The following LEFTY1 variants were observed in gnomAD, a reference collection of about 807,000 sequenced individuals.
LEFTY1 encodes left-right determination factor B.
A neutral mutation model predicts 22.6 loss-of-function variants in LEFTY1; 18 were observed. That is an observed-to-expected ratio of 0.80 (90% CI 0.55 to 1.18). The LOEUF (loss-of-function observed/expected upper bound fraction) is 1.18, where lower values mean the gene tolerates loss of function less well. Ranked by LOEUF, LEFTY1 falls within the 50% of genes most tolerant of loss-of-function variation. The pLI is 0.00. For synonymous variants in LEFTY1, 201 were observed against 231.5 expected (o/e 0.87, Z 1.20); for missense variants, 414 against 495.4 (o/e 0.84, Z 1.56).
At position 225,887,459 on chromosome 1, in the gene LEFTY1, G is replaced by A; in HGVS notation, c.677C>T (p.Ala226Val). Residue 226 changes from alanine to valine, a missense_variant, in exon 3 of 4, where the codon GCG becomes GTG. Coordinates refer to ENST00000272134, the MANE Select transcript of LEFTY1 (RefSeq NM_020997.4). The stretch of plus-strand genomic sequence containing the variant: ...CTGGGGCTCCCCAAGCCCGGCTGGC[G>A]CCCCCTGCGAGGCAAAGCGGACCAG... ...HKLVRFASQGAPAGLGEPQLE... is the reference protein window; with the variant it reads ...HKLVRFASQGVPAGLGEPQLE... 1 of 1,612,864 alleles carries A rather than the reference G, an allele frequency of 6.2e-7. No homozygotes were observed. The highest frequency in any genetic ancestry group is 8.5e-7 in the Non-Finnish European group (1 of 1,179,770).
Position 225,887,847 on chromosome 1 carries a change from T to C in LEFTY1, c.436A>G (p.Thr146Ala), listed in dbSNP as rs767656516. 5 of 1,531,392 alleles carry C rather than the reference T, an allele frequency of 3.3e-6. No homozygotes were observed. The East Asian group carries it at 9.9e-5, about 30-fold the overall frequency. 94.9% of individuals were successfully genotyped at this position (1,531,392 alleles called of 1,614,324 possible). A position where few individuals can be genotyped will look rare whatever the true frequency, so the allele number is the denominator to read the frequency against. The change falls in exon 2 of 4, where the codon ACC becomes GCC. Residue 146 changes from threonine to alanine, a missense_variant. Physicochemically the swap from Thr to Ala is moderately conservative, Grantham distance 58. Coordinates refer to ENST00000272134, the MANE Select transcript of LEFTY1 (RefSeq NM_020997.4). ...TCGCGGACGCGCAGCCACTCGACGG[T>C]CACCCGGGCCCGGGCGCTGCGCGGG... ...LSPRSARARV[T>A]VEWLRVRDDG...
intron 1 of LEFTY1, 60 bp downstream of exon 1, chr1:225,888,757 G>T: frequency 1.9e-6 from 3 of 1,606,072 alleles, no homozygotes; most frequent in Non-Finnish European, 8.5e-7. Context: ...TGACACCACC[G>T]GAGTGGGCAC....
Position 225,887,437 on chromosome 1 carries a change from G to C in LEFTY1, c.699C>G (p.Pro233=). ...SQGAPAGLGE[P]QLELHTLDLG... ...GGTCCAGGGTGTGCAGCTCCAGCTG[G>C]GGCTCCCCAAGCCCGGCTGGCGCCC... The change falls in exon 3 of 4, where the codon CCC becomes CCG. Residue 233 remains proline (P), a synonymous_variant. Coordinates refer to ENST00000272134, the MANE Select transcript of LEFTY1 (RefSeq NM_020997.4). The C allele has an allele frequency of 1.9e-6, 3 of 1,613,496 alleles. No homozygotes were observed. The highest frequency in any genetic ancestry group is 2.5e-6 in the Non-Finnish European group (3 of 1,179,890).
chr1:225,887,899 G>A lies in LEFTY1; in HGVS notation c.384C>T (p.Ala128=). The change falls in exon 2 of 4, where the codon GCC becomes GCT. Residue 128 remains alanine, a synonymous_variant. Coordinates refer to ENST00000272134, the MANE Select transcript of LEFTY1 (RefSeq NM_020997.4). ...ACAGCCGCCCGTGCCTGTGCAGCGC[G>A]GCCTTGGGGACCGGCTCCTGGAAGA... ...LRLFQEPVPK[A]ALHRHGRLSP... 1 of 1,537,062 alleles carries A rather than the reference G, an allele frequency of 6.5e-7. No individual in the cohort carries two copies. Among genetic ancestry groups the A allele is most frequent in the African/African-American group, 1.4e-5 (1 of 72,924 alleles).
At chr1:225,888,179 TCTGGGCC>T (rs1671327626) in intron 1 of LEFTY1, 147 bp from the exon 2 acceptor site, 1 of 1,270,526 alleles carries the variant, frequency 7.9e-7, no homozygotes, top group Non-Finnish European at 1.1e-6. Flanking sequence ...CTTCCTTGGA[TCTGGGCC>T]TTGTTTAGTA....
At position 225,886,696 on chromosome 1, in the gene LEFTY1, AG is replaced by A; in HGVS notation, c.*30del. ...CTCGAACACTTCAGAAACACACACA[AG>A]TCAAGTCCCTCGATGGCTACACTAG... On this transcript the variant is annotated 3_prime_UTR_variant, in exon 4 of 4. Coordinates refer to ENST00000272134, the MANE Select transcript of LEFTY1 (RefSeq NM_020997.4). 1 of 1,612,832 alleles carries A rather than the reference AG, an allele frequency of 6.2e-7. No individual in the cohort carries two copies. Among genetic ancestry groups the A allele is most frequent in the Non-Finnish European group, 8.5e-7 (1 of 1,179,980 alleles).
At position 225,889,022 on chromosome 1, in the gene LEFTY1, C is replaced by T; in HGVS notation, c.45G>A (p.Leu15=). The T allele has an allele frequency of 2.6e-6, 4 of 1,510,636 alleles. No individual in the cohort carries two copies. Among genetic ancestry groups the T allele is most frequent in the East Asian group, 4.7e-5 (2 of 42,138 alleles). The allele number at this position is 1,510,636 out of a possible 1,614,324, so 93.6% of individuals were successfully genotyped here. The part of the protein sequence containing the change: ...WLCWALWVLP[L]ASPGAALTGE... ...CGGTCAGGGCGGCCCCGGGGCTGGC[C>T]AGGGGCAACACCCAGAGTGCCCAGC... The change falls in exon 1 of 4, where the codon CTG becomes CTA. Residue 15 remains leucine (L), a synonymous_variant. Coordinates refer to ENST00000272134, the MANE Select transcript of LEFTY1 (RefSeq NM_020997.4).
At position 225,887,449 on chromosome 1, in the gene LEFTY1, C is replaced by G. The variant is rs777642200; in HGVS notation, c.687G>C (p.Gly229=). The change falls in exon 3 of 4, where the codon GGG becomes GGC. Residue 229 remains glycine (G), a synonymous_variant. Transcript: ENST00000272134. The stretch of plus-strand genomic sequence containing the variant: ...GCAGCTCCAGCTGGGGCTCCCCAAG[C>G]CCGGCTGGCGCCCCCTGCGAGGCAA... ...VRFASQGAPA[G]LGEPQLELHT... is the part of the protein sequence containing the mutation. 1.4e-5 allele frequency: 23 copies of G among 1,613,070 alleles called. No individual in the cohort carries two copies. Among genetic ancestry groups the G allele is most frequent in the Non-Finnish European group, 1.8e-5 (21 of 1,179,824 alleles).
In LEFTY1 at chr1:225,886,971, G is replaced by C. The variant is rs146082781; in HGVS notation, c.857C>G (p.Pro286Arg). ...CACACACTCATAAGCCAGGAAGCCCGGGGGCTCCAGCACCCAGTTCTCGGC... is the reference window on the plus strand; with the variant it reads ...CACACACTCATAAGCCAGGAAGCCCCGGGGCTCCAGCACCCAGTTCTCGGC... ...KWAENWVLEP[P>R]GFLAYECVGT... The change falls in exon 4 of 4, where the codon CCG (proline) becomes CGG (arginine). Residue 286 changes from proline (P) to arginine (R), a missense_variant. Physicochemically the swap from Pro to Arg is moderately radical, Grantham distance 103. Around this residue, in one of 2 missense-constraint regions of LEFTY1, gnomAD observed 398 missense variants for 454.7 expected, o/e 0.88. Transcript: ENST00000272134. 14 of 1,611,374 alleles carry C rather than the reference G, an allele frequency of 8.7e-6. No homozygotes were observed. Among genetic ancestry groups the C allele is most frequent in the African/African-American group, 5.3e-5 (4 of 74,858 alleles).
At chr1:225,888,789 CA>C (rs1671338503) in intron 1 of LEFTY1, 27 bp downstream of exon 1, 1 of 1,612,242 alleles carries the variant, frequency 6.2e-7, no homozygotes, top group Non-Finnish European at 8.5e-7. Flanking sequence ...CCCATGGGAC[CA>C]GGGGCAGCAG....
At chr1:225,888,789 C>T in intron 1 of LEFTY1, 28 bp downstream of exon 1, 10 of 1,612,360 alleles carry the variant, frequency 6.2e-6, no homozygotes, top group Non-Finnish European at 5.9e-6. Context: ...CCCATGGGAC[C>T]AGGGGCAGCA....
chr1:225,889,027 G>A lies in LEFTY1; in HGVS notation c.40C>T (p.Pro14Ser). 1 of 1,504,646 alleles carries A rather than the reference G, an allele frequency of 6.6e-7. No homozygotes were observed. 93.2% of individuals were successfully genotyped at this position (1,504,646 alleles called of 1,614,324 possible). ...LWLCWALWVL[P>S]LASPGAALTG... ...AGGGCGGCCCCGGGGCTGGCCAGGG[G>A]CAACACCCAGAGTGCCCAGCAGAGC... is the stretch of plus-strand genomic sequence containing the variant. The change falls in exon 1 of 4, where the codon CCC (proline) becomes TCC (serine). Residue 14 changes from proline (P) to serine (S), a missense_variant. Around this residue, in one of 2 missense-constraint regions of LEFTY1, gnomAD observed 398 missense variants for 454.7 expected, o/e 0.88. Coordinates refer to ENST00000272134, the MANE Select transcript of LEFTY1 (RefSeq NM_020997.4).
Position 225,886,872 on chromosome 1 carries a change from G to A in LEFTY1, c.956C>T (p.Ser319Leu), listed in dbSNP as rs117876231. ...PFLGPRQCIASETDSLPMIVS... is the reference protein window; with the variant it reads ...PFLGPRQCIALETDSLPMIVS... The stretch of plus-strand genomic sequence containing the variant: ...GATCATGGGCAGCGAGTCAGTCTCC[G>A]AGGCGATGCACTGTCGAGGCCCCAG... Residue 319 changes from serine (S) to leucine (L), a missense_variant, in exon 4 of 4, where the codon TCG becomes TTG. Transcript: ENST00000272134. 8 of 1,613,808 alleles carry A rather than the reference G, an allele frequency of 5.0e-6. No homozygotes were observed. The Middle Eastern group carries it at 8.3e-4, about 168-fold the overall frequency.
intron 3 of LEFTY1, 26 bp downstream of exon 3, chr1:225,887,373 T>C: frequency 6.2e-7 from 1 of 1,612,670 alleles, no homozygotes; most frequent in Non-Finnish European, 8.5e-7. Context: ...TTATTCCGGC[T>C]TACCAGTTTG....
At position 225,886,452 on chromosome 1, in the gene LEFTY1, G is replaced by C. The variant is rs1671281163; in HGVS notation, c.*275C>G. 1 of 541,200 alleles carries C rather than the reference G, an allele frequency of 1.8e-6. No individual in the cohort carries two copies. The highest frequency in any genetic ancestry group is 3.5e-5 in the East Asian group (1 of 28,952). 33.5% of individuals were successfully genotyped at this position (541,200 alleles called of 1,614,324 possible). ...TGACACATTGGGCTTTCTGCCCTCA[G>C]GTTACAGTATCTCCACATGTAAGTG... is the stretch of plus-strand genomic sequence containing the variant. On this transcript the variant is annotated 3_prime_UTR_variant, in exon 4 of 4. Coordinates refer to ENST00000272134, the MANE Select transcript of LEFTY1 (RefSeq NM_020997.4).
At position 225,886,350 on chromosome 1, in the gene LEFTY1, C is replaced by G. The variant is rs766297726; in HGVS notation, c.*377G>C. Reference sequence around the variant, plus strand: ...ATCTGGATTGGGGATGCACAACCCACACTTAACCCCAGGTCTTAGGTCCAG... The same window carrying G: ...ATCTGGATTGGGGATGCACAACCCAGACTTAACCCCAGGTCTTAGGTCCAG... On this transcript the variant is annotated 3_prime_UTR_variant, in exon 4 of 4. Transcript: ENST00000272134. The G allele has an allele frequency of 1.4e-4, 31 of 214,368 alleles. No homozygotes were observed. The highest frequency in any genetic ancestry group is 2.5e-4 in the Non-Finnish European group (27 of 108,552). The allele number at this position is 214,368 out of a possible 1,614,324, so 13.3% of individuals were successfully genotyped here.
chr1:225,887,857 C>T lies in LEFTY1; in HGVS notation c.426G>A (p.Arg142=), dbSNP rs919296858. 8 of 1,531,028 alleles carry T rather than the reference C, an allele frequency of 5.2e-6. No individual in the cohort carries two copies. Among genetic ancestry groups the T allele is most frequent in the Non-Finnish European group, 7.0e-6 (8 of 1,145,258 alleles). 94.8% of individuals were successfully genotyped at this position (1,531,028 alleles called of 1,614,324 possible). A position where few individuals can be genotyped will look rare whatever the true frequency, so the allele number is the denominator to read the frequency against. ...RHGRLSPRSA[R]ARVTVEWLRV... ...GCAGCCACTCGACGGTCACCCGGGC[C>T]CGGGCGCTGCGCGGGGACAGCCGCC... Residue 142 remains arginine (R), a synonymous_variant, in exon 2 of 4, where the codon CGG becomes CGA. Coordinates refer to ENST00000272134, the MANE Select transcript of LEFTY1 (RefSeq NM_020997.4).
At chr1:225,888,597 A>C (rs1671334605) in intron 1 of LEFTY1, among the ~76,000 whole-genome samples, 2 of 152,178 alleles carry the variant, frequency 1.3e-5, no homozygotes, top group Admixed American at 6.5e-5. Flanking sequence ...CCAGAGTGGC[A>C]GTACGAAAAC....
intron 1 of LEFTY1, among the ~76,000 whole-genome samples, chr1:225,888,529 A>C (rs1671333923): frequency 6.6e-6 from 1 of 152,230 alleles, no homozygotes; most frequent in African/African-American, 2.4e-5. Flanking sequence ...CCCCAGTTCC[A>C]TGTGAGCAAA....
Sources: gnomAD v4.1 joint callset for allele counts (sites outside exome capture counted in the v4.1 genomes callset) on GRCh38, gnomAD v4.1.1 for gene constraint, gnomAD v4.1.1 regional missense constraint, MANE v1.5 for transcripts, NCBI Gene and HGNC (gene_info 2026-07-23, HGNC 2026-07-21) for gene names.